Variants in BNC2 observed in about 807,000 individuals in gnomAD.
BNC2 encodes zinc finger protein basonuclin-2.
BNC2 carries 20 observed loss-of-function variants against 76.3 expected under a neutral mutation model. That is an observed-to-expected ratio of 0.26 (90% CI 0.18 to 0.38). The LOEUF is 0.38. Ranked by LOEUF, BNC2 falls within the 10% of genes least tolerant of loss-of-function variation. BNC2 has a pLI of 1.00. For missense variants in BNC2, 1,382 were observed against 1,399.8 expected, an observed-to-expected ratio of 0.99 and a Z score of 0.20; for synonymous variants, 582 against 514.8, an observed-to-expected ratio of 1.13 and a Z score of -1.77.
intron 5 of BNC2, among the ~76,000 whole-genome samples, chr9:16,461,994 C>T (rs556315015): frequency 6.6e-6 from 1 of 152,302 alleles, no homozygotes; most frequent in South Asian, 2.1e-4. Flanking sequence ...TGATTTCATT[C>T]ACACACCTCC....
At chr9:16,429,649 T>A (rs959723311) in intron 6 of BNC2, 1 of 248,970 alleles carries the variant, frequency 4.0e-6, no homozygotes, top group East Asian at 9.1e-5. Context: ...ATAAGAGTTA[T>A]ATAGAAGCAT....
intron 2 of BNC2, among the ~76,000 whole-genome samples, chr9:16,730,011 C>G (rs887544822): frequency 2.0e-5 from 3 of 151,900 alleles, no homozygotes; most frequent in Non-Finnish European, 4.4e-5. Flanking sequence ...CTTTCTCCCC[C>G]TCCTTCACTC....
At position 16,538,168 on chromosome 9, in the gene BNC2, C is replaced by G. The variant is rs540475293; in HGVS notation, c.669+14362G>C. Among the ~76,000 whole-genome samples, 3 of 152,296 alleles carry G rather than the reference C, an allele frequency of 2.0e-5. No individual in the cohort carries two copies. In the South Asian group the frequency reaches 6.2e-4, roughly 32 times the overall value. On this transcript the variant is annotated intron_variant, in intron 5 of 6. Coordinates refer to ENST00000380672, the MANE Select transcript of BNC2 (RefSeq NM_017637.6). Reference sequence around the variant, plus strand: ...GAGAAGACAAAGCAGATGGTACTGCCTGAAGGTTCTTCTCACTGTCCTACC... The same window carrying G: ...GAGAAGACAAAGCAGATGGTACTGCGTGAAGGTTCTTCTCACTGTCCTACC...
intron 5 of BNC2, among the ~76,000 whole-genome samples, chr9:16,478,463 A>T (rs888244926): frequency 1.3e-5 from 2 of 152,242 alleles, no homozygotes; most frequent in Non-Finnish European, 2.9e-5. Flanking sequence ...TTTTTCTTAA[A>T]AAGGCATATG....
chr9:16,635,067 C>A (rs2133787402), intron 3 of BNC2, among the ~76,000 whole-genome samples: 1 of 152,302 alleles, frequency 6.6e-6, no homozygotes, highest in East Asian at 1.9e-4. Flanking sequence ...TGCTTAATAA[C>A]AAACATAACT....
intron 6 of BNC2, among the ~76,000 whole-genome samples, chr9:16,433,754 G>C (rs1178161857): frequency 6.6e-6 from 1 of 152,116 alleles, no homozygotes; most frequent in African/African-American, 2.4e-5. Flanking sequence ...GCTGTGACTT[G>C]CAATATTTTC....
chr9:16,515,066 T>C (rs1374338411), intron 5 of BNC2, among the ~76,000 whole-genome samples: 1 of 152,228 alleles, frequency 6.6e-6, no homozygotes, highest in African/African-American at 2.4e-5. Context: ...CTATCAGTAC[T>C]GTTGGCTATT....
chr9:16,842,039 A>G lies in BNC2; in HGVS notation c.3+28607T>C, dbSNP rs565699778. 3.9e-5 allele frequency among the ~76,000 whole-genome samples: 6 copies of G among 152,172 alleles called. No individual in the cohort carries two copies. In the South Asian group the frequency reaches 1.2e-3, roughly 32 times the overall value. ...TGGTCAGGCTGGTCTCGAACTCCTG[A>G]CCTCAGATGATCCACCTGCCTCGGC... On this transcript the variant is annotated intron_variant, in intron 1 of 6. Coordinates refer to ENST00000380672, the MANE Select transcript of BNC2 (RefSeq NM_017637.6).
At chr9:16,620,964 C>G (rs1019463354) in intron 3 of BNC2, among the ~76,000 whole-genome samples, 2 of 152,158 alleles carry the variant, frequency 1.3e-5, no homozygotes, top group Non-Finnish European at 2.9e-5. Context: ...TTCCACTTCT[C>G]TCCTCTATCC....
At chr9:16,523,434 G>A (rs1207520408) in intron 5 of BNC2, among the ~76,000 whole-genome samples, 3 of 148,752 alleles carry the variant, frequency 2.0e-5, no homozygotes, top group Admixed American at 6.7e-5. Context: ...TAGCGCCACT[G>A]CACTCCAGCC....
chr9:16,857,660 A>G (rs779494739), intron 1 of BNC2, among the ~76,000 whole-genome samples: 46 of 152,184 alleles, frequency 3.0e-4, no homozygotes, highest in Admixed American at 1.2e-3. Flanking sequence ...CTCGCTTTGT[A>G]TAAATTTGAA....
Position 16,767,607 on chromosome 9 carries a change from T to C in BNC2, c.4-29122A>G, listed in dbSNP as rs1450691875. 2.0e-5 allele frequency among the ~76,000 whole-genome samples: 3 copies of C among 152,012 alleles called. No homozygotes were observed. In the East Asian group the frequency reaches 5.8e-4, roughly 29 times the overall value. On this transcript the variant is annotated intron_variant, in intron 1 of 6. Coordinates refer to ENST00000380672, the MANE Select transcript of BNC2 (RefSeq NM_017637.6). ...GCACTGGGGAAAAAGTATGAGAGGGTTGTATGCTCTGCCAAGAGGTTCATA... is the reference window on the plus strand; with the variant it reads ...GCACTGGGGAAAAAGTATGAGAGGGCTGTATGCTCTGCCAAGAGGTTCATA...
At chr9:16,682,719 GTTCA>G (rs1188219984) in intron 3 of BNC2, among the ~76,000 whole-genome samples, 1 of 152,062 alleles carries the variant, frequency 6.6e-6, no homozygotes. Flanking sequence ...TGAAATATTG[GTTCA>G]TTATTTACTC....
At chr9:16,580,696 G>T (rs1819609199) in intron 4 of BNC2, among the ~76,000 whole-genome samples, 1 of 152,162 alleles carries the variant, frequency 6.6e-6, no homozygotes, top group Non-Finnish European at 1.5e-5. Context: ...ATAGTAGATA[G>T]ATAATGATAA....
rs189354673 is a variant in BNC2 at position 16,708,511 on chromosome 9, C to G, written c.330+19286G>C. On this transcript the variant is annotated intron_variant, in intron 3 of 6. Transcript: ENST00000380672. The stretch of plus-strand genomic sequence containing the variant: ...GCAAAGGCAGTTAACAGACACCAAC[C>G]CTGAGTGAGGGAAAACTCACTCAGA... 2.2e-4 allele frequency among the ~76,000 whole-genome samples: 34 copies of G among 152,064 alleles called. 1 individual carries two copies. The highest frequency in any genetic ancestry group is 1.9e-3 in the Admixed American group (29 of 15,270).
intron 3 of BNC2, among the ~76,000 whole-genome samples, chr9:16,625,485 C>A (rs1280691291): frequency 6.6e-6 from 1 of 152,068 alleles, no homozygotes; most frequent in Non-Finnish European, 1.5e-5. Flanking sequence ...AGGGAACTCC[C>A]CTGAGATAAA....
chr9:16,692,417 G>A (rs570472157), intron 3 of BNC2, among the ~76,000 whole-genome samples: 143 of 152,238 alleles, frequency 9.4e-4, no homozygotes, highest in Non-Finnish European at 1.9e-3. Context: ...GCTCAGTTAC[G>A]TATCTCCGAG....
chr9:16,549,533 T>G (rs1049705244), intron 5 of BNC2, among the ~76,000 whole-genome samples: 16 of 152,250 alleles, frequency 1.1e-4, no homozygotes, highest in African/African-American at 3.6e-4. Flanking sequence ...CGGACACACA[T>G]TTTATAGCCT....
intron 6 of BNC2, among the ~76,000 whole-genome samples, chr9:16,421,926 T>C (rs1387949479): frequency 6.6e-6 from 1 of 152,224 alleles, no homozygotes; most frequent in Non-Finnish European, 1.5e-5. Context: ...TTGCGATGAC[T>C]GTAATCTAGA....
Sources: allele counts gnomAD v4.1 joint callset (sites outside exome capture counted in the v4.1 genomes callset), GRCh38; gene constraint gnomAD v4.1.1; transcripts MANE v1.5; gene names NCBI Gene and HGNC (gene_info 2026-07-23, HGNC 2026-07-21).